CSMD1: variants seen among roughly 807,000 people sequenced by gnomAD.
The protein encoded by CSMD1 is CUB and Sushi multiple domains 1, also known as CUB and sushi domain-containing protein 1.
In CSMD1, 213 loss-of-function variants were observed where a neutral mutation model predicts 417.5. The ratio of observed to expected loss-of-function variants is 0.51; its 90% CI spans 0.46 to 0.57. The LOEUF (loss-of-function observed/expected upper bound fraction) is 0.57. Ranked by LOEUF, CSMD1 falls within the 20% of genes least tolerant of loss-of-function variation. The pLI is 0.00. For synonymous variants in CSMD1, 2,862 were observed against 1,736.8 expected, an observed-to-expected ratio of 1.65 and a Z score of -16.11; for missense variants, 6,923 against 4,529.7, an observed-to-expected ratio of 1.53 and a Z score of -15.17.
intron 2 of CSMD1, among the ~76,000 whole-genome samples, chr8:4,511,677 G>C (rs1430926492): frequency 1.3e-5 from 2 of 152,144 alleles, no homozygotes; most frequent in Non-Finnish European, 1.5e-5. Flanking sequence ...TCCAGAGTGG[G>C]AGTAGGGAAG....
chr8:3,714,521 A>G (rs2129042266), intron 6 of CSMD1, among the ~76,000 whole-genome samples: 1 of 140,300 alleles, frequency 7.1e-6, no homozygotes, highest in East Asian at 2.3e-4. Context: ...TAGGAGTTCA[A>G]CAGCAGCCTG....
At chr8:3,909,228 G>A (rs376175011) in intron 5 of CSMD1, among the ~76,000 whole-genome samples, 2 of 152,122 alleles carry the variant, frequency 1.3e-5, no homozygotes, top group Admixed American at 6.5e-5. Flanking sequence ...TCTCAACCTC[G>A]TCCTGGCTTG....
At chr8:3,062,762 A>G (rs1563295789) in intron 49 of CSMD1, among the ~76,000 whole-genome samples, 3 of 152,152 alleles carry the variant, frequency 2.0e-5, no homozygotes, top group African/African-American at 7.2e-5. Flanking sequence ...TAAACAGCTA[A>G]TTATTACAGT....
chr8:4,728,948 T>C (rs531000705), intron 1 of CSMD1, among the ~76,000 whole-genome samples: 25 of 152,242 alleles, frequency 1.6e-4, no homozygotes, highest in African/African-American at 5.3e-4. Context: ...CAGACGTCCA[T>C]GTGGAGATAG....
rs1801275587 is a variant in CSMD1, at chr8:4,225,204, C to G, written c.416-193105G>C. Among the ~76,000 whole-genome samples, 5 of 152,164 alleles carry G rather than the reference C, an allele frequency of 3.3e-5. No individual in the cohort carries two copies. The South Asian group carries it at 1.0e-3, about 32-fold the overall frequency. ...GGACACATGGCAACTCAGCGCACACCTCCATAAACCAGAGACGGCTAGTGA... is the reference window on the plus strand; with the variant it reads ...GGACACATGGCAACTCAGCGCACACGTCCATAAACCAGAGACGGCTAGTGA... On this transcript the variant is annotated intron_variant, in intron 3 of 69. Transcript: ENST00000635120.
At chr8:4,490,841 C>T (rs539297770) in intron 2 of CSMD1, among the ~76,000 whole-genome samples, 10 of 152,188 alleles carry the variant, frequency 6.6e-5, no homozygotes, top group African/African-American at 9.6e-5. Flanking sequence ...AACACATTAT[C>T]CTCTTGCTTA....
intron 12 of CSMD1, among the ~76,000 whole-genome samples, chr8:3,418,005 T>C (rs1585134995): frequency 6.6e-6 from 1 of 152,214 alleles, no homozygotes; most frequent in East Asian, 1.9e-4. Context: ...AGTAGCGGAT[T>C]GCTGTTACAG....
At chr8:3,197,107 C>T (rs900685540) in intron 33 of CSMD1, among the ~76,000 whole-genome samples, 6 of 152,194 alleles carry the variant, frequency 3.9e-5, no homozygotes, top group African/African-American at 1.4e-4. Context: ...AGCCTCTAGA[C>T]TTACATTGCT....
At position 3,548,659 on chromosome 8, in the gene CSMD1, TACACACAC is replaced by T. The variant is rs146360407; in HGVS notation, c.1344+26278_1344+26285del. Among the ~76,000 whole-genome samples, 1,313 of 133,092 alleles carry T rather than the reference TACACACAC, an allele frequency of 9.9e-3. 9 individuals are homozygous for T. Among genetic ancestry groups the T allele is most frequent in the South Asian group, 0.024 (95 of 3,884 alleles). The allele number at this position is 133,092 out of a possible 152,430, so 87.3% of individuals were successfully genotyped here. On this transcript the variant is annotated intron_variant, in intron 10 of 69. Coordinates refer to ENST00000635120, the MANE Select transcript of CSMD1 (RefSeq NM_033225.6). ...TTCACGGCTGAGTGGTATTCCATCATACACACACACACACACACACACACACACACACA... is the reference window on the plus strand; with the variant it reads ...TTCACGGCTGAGTGGTATTCCATCATACACACACACACACACACACACACA...
intron 3 of CSMD1, among the ~76,000 whole-genome samples, chr8:4,105,261 A>G (rs1801509252): frequency 6.6e-6 from 1 of 152,166 alleles, no homozygotes; most frequent in Non-Finnish European, 1.5e-5. Context: ...CAACGGCCGT[A>G]TTCAACTGTA....
rs568568657 is a variant in CSMD1, at chr8:2,979,499, A to G, written c.8378-699T>C. ...CTTTTGCAGGTGCAGAGGAAAAGAA[A>G]GAACTCTGATTACCTCATGCTTTGA... On this transcript the variant is annotated intron_variant, in intron 54 of 69. Coordinates refer to ENST00000635120, the MANE Select transcript of CSMD1 (RefSeq NM_033225.6). Among the ~76,000 whole-genome samples, 13 of 152,342 alleles carry G rather than the reference A, an allele frequency of 8.5e-5. No homozygotes were observed. The South Asian group carries it at 1.7e-3, about 19-fold the overall frequency.
intron 7 of CSMD1, among the ~76,000 whole-genome samples, chr8:3,635,876 C>T (rs75541385): frequency 0.01 from 1,502 of 146,802 alleles, 20 homozygotes; most frequent in African/African-American, 0.036. Flanking sequence ...ACATTTGTAA[C>T]ACAAAATATT....
In CSMD1 at chr8:4,170,622, T is replaced by G. The variant is rs574139149; in HGVS notation, c.416-138523A>C. Among the ~76,000 whole-genome samples the G allele has an allele frequency of 9.9e-5, 15 of 151,996 alleles. No individual in the cohort carries two copies. In the South Asian group the frequency reaches 2.1e-3, roughly 21 times the overall value. On this transcript the variant is annotated intron_variant, in intron 3 of 69. Transcript: ENST00000635120. ...TGTTTCTACAAACATGAATTCTGGGTGGAAAACATTTGTTTTATTACATTC... is the reference window on the plus strand; with the variant it reads ...TGTTTCTACAAACATGAATTCTGGGGGGAAAACATTTGTTTTATTACATTC...
At chr8:4,132,026 A>C (rs554875486) in intron 3 of CSMD1, among the ~76,000 whole-genome samples, 1 of 152,042 alleles carries the variant, frequency 6.6e-6, no homozygotes, top group African/African-American at 2.4e-5. Context: ...TTTCTATCAG[A>C]ATCCCTTCTT....
At chr8:2,945,508 G>A (rs1015169027) in intron 68 of CSMD1, among the ~76,000 whole-genome samples, 3 of 152,140 alleles carry the variant, frequency 2.0e-5, no homozygotes, top group African/African-American at 7.2e-5. Context: ...AGCAGGAGTC[G>A]ACATTACATA....
chr8:4,753,627 T>C (rs1007677953), intron 1 of CSMD1, among the ~76,000 whole-genome samples: 4 of 152,186 alleles, frequency 2.6e-5, no homozygotes, highest in Admixed American at 1.3e-4. Flanking sequence ...CGTCTCACTG[T>C]TCCGCAGCAG....
chr8:3,945,575 T>C (rs907876938), intron 5 of CSMD1, among the ~76,000 whole-genome samples: 2 of 152,102 alleles, frequency 1.3e-5, no homozygotes, highest in Non-Finnish European at 2.9e-5. Flanking sequence ...AAAAATCTCT[T>C]AAAAGAACTC....
chr8:3,925,319 G>A (rs1809574155), intron 5 of CSMD1, among the ~76,000 whole-genome samples: 1 of 152,154 alleles, frequency 6.6e-6, no homozygotes, highest in East Asian at 1.9e-4. Flanking sequence ...TAAAGTACTT[G>A]TGCATTTATA....
intron 3 of CSMD1, among the ~76,000 whole-genome samples, chr8:4,075,108 T>A (rs566624150): frequency 6.6e-6 from 1 of 152,088 alleles, no homozygotes; most frequent in African/African-American, 2.4e-5. Flanking sequence ...AAGAACAAAG[T>A]TGAATACAGT....
Sources: gnomAD v4.1 joint callset for allele counts (sites outside exome capture counted in the v4.1 genomes callset) on GRCh38, gnomAD v4.1.1 for gene constraint, MANE v1.5 for transcripts, NCBI Gene and HGNC (gene_info 2026-07-23, HGNC 2026-07-21) for gene names.